The following XXYLT1 variants were observed in gnomAD, a reference collection of about 807,000 sequenced individuals.
XXYLT1 encodes the protein xyloside xylosyltransferase 1.
XXYLT1 carries 20 observed loss-of-function variants against 28.9 expected under a neutral mutation model. That is an observed-to-expected ratio of 0.69 (90% CI 0.49 to 1.00). XXYLT1 has a LOEUF of 1.00. XXYLT1 is among the 50% of genes least tolerant of loss of function. The pLI is 0.00. For missense variants in XXYLT1, 542 were observed against 560.1 expected, an observed-to-expected ratio of 0.97 and a Z score of 0.33; for synonymous variants, 257 against 253.8, an observed-to-expected ratio of 1.01 and a Z score of -0.12.
intron 1 of XXYLT1, among the ~76,000 whole-genome samples, chr3:195,249,168 A>G (rs1239663540): frequency 4.6e-5 from 7 of 152,186 alleles, no homozygotes; most frequent in African/African-American, 1.7e-4. Flanking sequence ...CGGCACCAGC[A>G]GCCAGGGGGA....
chr3:195,167,987 C>T (rs1341319779), intron 2 of XXYLT1, among the ~76,000 whole-genome samples: 1 of 152,226 alleles, frequency 6.6e-6, no homozygotes, highest in South Asian at 2.1e-4. Flanking sequence ...ACAGGCAGCA[C>T]CAGAACACCT....
chr3:195,123,716 A>G lies in XXYLT1; in HGVS notation c.785+32733T>C, dbSNP rs1195761925. On this transcript the variant is annotated intron_variant, in intron 3 of 3. Coordinates refer to ENST00000310380, the MANE Select transcript of XXYLT1 (RefSeq NM_152531.5). ...CAGTGAGCATCTTAAATGTCTCCGG[A>G]GCCCACTGCAGGAAATTCACAGCCA... 2.6e-5 allele frequency among the ~76,000 whole-genome samples: 4 copies of G among 152,180 alleles called. No homozygotes were observed. In the East Asian group the frequency reaches 7.7e-4, roughly 29 times the overall value.
intron 3 of XXYLT1, among the ~76,000 whole-genome samples, chr3:195,118,752 T>C (rs1718179437): frequency 6.6e-6 from 1 of 152,196 alleles, no homozygotes; most frequent in Non-Finnish European, 1.5e-5. Context: ...GACCTGGGCC[T>C]GGAGTTGACA....
At chr3:195,120,954 T>C (rs1353087744) in intron 3 of XXYLT1, among the ~76,000 whole-genome samples, 2 of 152,178 alleles carry the variant, frequency 1.3e-5, no homozygotes, top group Non-Finnish European at 2.9e-5. Flanking sequence ...GGTGTTCCCC[T>C]ACCTCCCTGG....
At chr3:195,090,005 A>G (rs1193911545) in intron 3 of XXYLT1, among the ~76,000 whole-genome samples, 1 of 149,606 alleles carries the variant, frequency 6.7e-6, no homozygotes, top group African/African-American at 2.4e-5. Context: ...CACCCAATAC[A>G]GGAGCACCAA....
intron 3 of XXYLT1, among the ~76,000 whole-genome samples, chr3:195,132,290 C>T (rs1045894433): frequency 6.6e-6 from 1 of 151,816 alleles, no homozygotes; most frequent in African/African-American, 2.4e-5. Flanking sequence ...GGCAACATGG[C>T]GAAACCCCAT....
At chr3:195,239,194 C>T (rs569629792) in intron 1 of XXYLT1, among the ~76,000 whole-genome samples, 20 of 152,316 alleles carry the variant, frequency 1.3e-4, no homozygotes, top group African/African-American at 4.3e-4. Context: ...AAATCACAGA[C>T]CCTGCAAGTG....
intron 3 of XXYLT1, among the ~76,000 whole-genome samples, chr3:195,135,482 C>A (rs1036335625): frequency 1.8e-4 from 27 of 152,070 alleles, no homozygotes; most frequent in African/African-American, 6.5e-4. Flanking sequence ...GGAGGGAGGA[C>A]AGTGAAGTAC....
At chr3:195,156,879 C>G (rs755710885) in intron 2 of XXYLT1, among the ~76,000 whole-genome samples, 1 of 152,144 alleles carries the variant, frequency 6.6e-6, no homozygotes. Flanking sequence ...AACTGTTAAC[C>G]GTGCACCATT....
At chr3:195,221,679 G>C (rs554719919) in intron 2 of XXYLT1, among the ~76,000 whole-genome samples, 1 of 152,230 alleles carries the variant, frequency 6.6e-6, no homozygotes, top group Admixed American at 6.5e-5. Context: ...TGACCCAGGA[G>C]GGGGAAGCTG....
chr3:195,259,561 G>C, intron 1 of XXYLT1: 1 of 985,454 alleles, frequency 1.0e-6, no homozygotes, highest in Non-Finnish European at 1.2e-6. Context: ...CCCAGGGAGA[G>C]GCCTCCCGCC....
In XXYLT1 at chr3:195,115,997, G is replaced by A. The variant is rs369330713; in HGVS notation, c.785+40452C>T. On this transcript the variant is annotated intron_variant, in intron 3 of 3. Transcript: ENST00000310380. This position sits in a 1 kb window ranked among gnomAD's most constrained non-coding sequence, Gnocchi z 4.2. Reference sequence around the variant, plus strand: ...GAAGCATGCACTATTTGCCACAAACGGAGTCGGGCTATCTAAAACAGGTTG... The same window carrying A: ...GAAGCATGCACTATTTGCCACAAACAGAGTCGGGCTATCTAAAACAGGTTG... 1.4e-4 allele frequency among the ~76,000 whole-genome samples: 22 copies of A among 152,226 alleles called. No homozygotes were observed. In the East Asian group the frequency reaches 3.9e-3, roughly 27 times the overall value.
At chr3:195,158,277 G>A (rs973847617) in intron 2 of XXYLT1, among the ~76,000 whole-genome samples, 21 of 152,170 alleles carry the variant, frequency 1.4e-4, no homozygotes, top group Admixed American at 1.2e-3. Context: ...CCACATGGCT[G>A]TCTGCCTGCC....
At chr3:195,143,881 TATA>T (rs1719683792) in intron 3 of XXYLT1, among the ~76,000 whole-genome samples, 2 of 128,864 alleles carry the variant, frequency 1.6e-5, no homozygotes, top group Non-Finnish European at 3.2e-5. Flanking sequence ...GATATATATA[TATA>T]TATATTTATT....
intron 2 of XXYLT1, among the ~76,000 whole-genome samples, chr3:195,215,743 G>T (rs541869960): frequency 6.6e-6 from 1 of 152,146 alleles, no homozygotes; most frequent in South Asian, 2.1e-4. Context: ...ACACCCCACT[G>T]TCAACATTAG....
intron 3 of XXYLT1, among the ~76,000 whole-genome samples, chr3:195,106,291 C>CGGAGAGATGCTCTTGTTGTGTTTTTGAT (rs1358189505): frequency 6.1e-5 from 9 of 148,222 alleles, no homozygotes; most frequent in South Asian, 2.1e-4. Context: ...GTGTTTTTGA[C>CGGAGAGATGCTCTTGTTGTGTTTTTGAT]GGAGAGATGC....
chr3:195,172,480 G>A (rs1308598833), intron 2 of XXYLT1, among the ~76,000 whole-genome samples: 1 of 152,204 alleles, frequency 6.6e-6, no homozygotes, highest in Non-Finnish European at 1.5e-5. Flanking sequence ...ACACTGCAAA[G>A]TTCTAAGACA....
chr3:195,256,580 C>T lies in XXYLT1; in HGVS notation c.504+13975G>A, dbSNP rs1200040868. On this transcript the variant is annotated intron_variant, in intron 1 of 3. Coordinates refer to ENST00000310380, the MANE Select transcript of XXYLT1 (RefSeq NM_152531.5). This position sits in a 1 kb window ranked among gnomAD's most constrained non-coding sequence, Gnocchi z 4.2. The stretch of plus-strand genomic sequence containing the variant: ...CACACCCCGCAACTTCTCACCCGCA[C>T]ATTCAGGATGGGGTCTGGAAAGGGC... The T allele has an allele frequency of 1.0e-6, 1 of 985,304 alleles. No individual in the cohort carries two copies. Among genetic ancestry groups the T allele is most frequent in the Non-Finnish European group, 1.2e-6 (1 of 829,932 alleles). The allele number at this position is 985,304 out of a possible 1,614,324, so 61.0% of individuals were successfully genotyped here.
Position 195,077,168 on chromosome 3 carries a change from G to C in XXYLT1, c.786-7057C>G, listed in dbSNP as rs1052303376. 1.3e-5 allele frequency among the ~76,000 whole-genome samples: 2 copies of C among 152,172 alleles called. No homozygotes were observed. Among genetic ancestry groups the C allele is most frequent in the African/African-American group, 4.8e-5 (2 of 41,426 alleles). ...AGAATGACCCACAGTGGGCGGGGCA[G>C]CCTCTGTCCAGGGAAAGGCAGGTGT... On this transcript the variant is annotated intron_variant, in intron 3 of 3. Coordinates refer to ENST00000310380, the MANE Select transcript of XXYLT1 (RefSeq NM_152531.5). This position sits in a 1 kb window ranked among gnomAD's most constrained non-coding sequence, Gnocchi z 4.8.
Sources: allele counts gnomAD v4.1 joint callset (sites outside exome capture counted in the v4.1 genomes callset), GRCh38; gene constraint gnomAD v4.1.1; non-coding constraint Gnocchi (gnomAD v3.1); transcripts MANE v1.5; gene names NCBI Gene and HGNC (gene_info 2026-07-23, HGNC 2026-07-21).